Variants in SYT17 observed in about 807,000 individuals in gnomAD.
SYT17 encodes the protein synaptotagmin 17.
A neutral mutation model predicts 46.7 loss-of-function variants in SYT17; 22 were observed. The observed-to-expected ratio is 0.47, with a 90% CI of 0.34 to 0.67. SYT17 has a LOEUF of 0.67. SYT17 is among the 30% of genes least tolerant of loss of function. The probability of loss-of-function intolerance (pLI) is 0.01; values close to 1 mark genes in which losing one functional copy is unlikely to be tolerated. For synonymous variants in SYT17, 251 were observed against 248.4 expected (o/e 1.01, Z -0.10); for missense variants, 519 against 612.8 (o/e 0.85, Z 1.62).
chr16:19,193,510 A>G (rs930819045), intron 5 of SYT17, among the ~76,000 whole-genome samples: 2 of 152,190 alleles, frequency 1.3e-5, no homozygotes, highest in African/African-American at 4.8e-5. Context: ...TAGAATTCAG[A>G]GCATTGTGGC....
intron 7 of SYT17, among the ~76,000 whole-genome samples, chr16:19,256,454 A>G (rs1193946392): frequency 5.3e-5 from 8 of 150,348 alleles, no homozygotes; most frequent in African/African-American, 1.5e-4. Flanking sequence ...ACACACACAC[A>G]CACACACACA....
intron 7 of SYT17, among the ~76,000 whole-genome samples, chr16:19,255,810 G>A (rs1429660546): frequency 3.3e-5 from 5 of 152,182 alleles, no homozygotes; most frequent in African/African-American, 1.2e-4. Context: ...AGCCAATATT[G>A]CCTGCAGACC....
rs76841059 is a variant in SYT17 at position 19,191,630 on chromosome 16, A to G, written c.951+7483A>G. Among the ~76,000 whole-genome samples, 1,010 of 152,370 alleles carry G rather than the reference A, an allele frequency of 6.6e-3. 8 individuals carry two copies. The highest frequency in any genetic ancestry group is 0.023 in the African/African-American group (939 of 41,590). On this transcript the variant is annotated intron_variant, in intron 5 of 7. Coordinates refer to ENST00000355377, the MANE Select transcript of SYT17 (RefSeq NM_016524.4). ...ATGTCAGCCACTTATTTTGAAATGC[A>G]TTCAAAAAAGATAGAGTGATAGATG... is the stretch of plus-strand genomic sequence containing the variant.
chr16:19,247,510 G>A (rs1967669173), intron 7 of SYT17, among the ~76,000 whole-genome samples: 1 of 152,020 alleles, frequency 6.6e-6, no homozygotes, highest in African/African-American at 2.4e-5. Flanking sequence ...GGGATTACAG[G>A]CATGAGCCAC....
intron 7 of SYT17, among the ~76,000 whole-genome samples, chr16:19,255,087 G>C (rs951441996): frequency 1.3e-5 from 2 of 152,136 alleles, no homozygotes; most frequent in Admixed American, 1.3e-4. Flanking sequence ...CTCTAAATTT[G>C]TTTTCTGTGC....
chr16:19,193,168 G>T (rs1381504077), intron 5 of SYT17, among the ~76,000 whole-genome samples: 1 of 152,240 alleles, frequency 6.6e-6, no homozygotes, highest in Non-Finnish European at 1.5e-5. Flanking sequence ...GTGCCCAGCT[G>T]CTTCAGTGGC....
At position 19,172,830 on chromosome 16, in the gene SYT17, A is replaced by G. The variant is rs533142827; in HGVS notation, c.33+53A>G. 4 of 1,610,378 alleles carry G rather than the reference A, an allele frequency of 2.5e-6. No individual in the cohort carries two copies. The South Asian group carries it at 3.3e-5, about 13-fold the overall frequency. On this transcript the variant is annotated intron_variant, in intron 2 of 7. Coordinates refer to ENST00000355377, the MANE Select transcript of SYT17 (RefSeq NM_016524.4). ...CTGGTTTCTAATCAAGAAATGCCTG[A>G]CTTTCATTTTGGAGTCTTATGTGGG... is the stretch of plus-strand genomic sequence containing the variant.
intron 5 of SYT17, among the ~76,000 whole-genome samples, chr16:19,184,729 C>CT (rs1482505582): frequency 6.6e-6 from 1 of 152,010 alleles, no homozygotes; most frequent in African/African-American, 2.4e-5. Context: ...CTCTGGAAGC[C>CT]TTTTTTAAAT....
chr16:19,220,342 G>A (rs1966269462), intron 5 of SYT17, among the ~76,000 whole-genome samples: 1 of 121,136 alleles, frequency 8.3e-6, no homozygotes, highest in Non-Finnish European at 1.6e-5. Flanking sequence ...TCGCTCTGGT[G>A]CCTGGGCTGC....
At chr16:19,228,039 G>C (rs1299399325) in intron 7 of SYT17, among the ~76,000 whole-genome samples, 1 of 129,818 alleles carries the variant, frequency 7.7e-6, no homozygotes, top group Non-Finnish European at 1.6e-5. Flanking sequence ...AAAAGCTGAG[G>C]TTATTTATTC....
intron 3 of SYT17, among the ~76,000 whole-genome samples, chr16:19,174,472 C>T (rs949004136): frequency 5.9e-5 from 9 of 152,206 alleles, no homozygotes; most frequent in East Asian, 1.9e-4. Context: ...AAGGAGGCAG[C>T]GCTGTTTCAG....
intron 7 of SYT17, among the ~76,000 whole-genome samples, chr16:19,257,396 CA>C (rs5816041): frequency 1.1e-3 from 147 of 128,038 alleles, no homozygotes; most frequent in South Asian, 2.4e-3. Context: ...CCTTGTTTTG[CA>C]AAAAAAAAAA....
chr16:19,249,702 T>C (rs1266311954), intron 7 of SYT17, among the ~76,000 whole-genome samples: 1 of 152,192 alleles, frequency 6.6e-6, no homozygotes, highest in African/African-American at 2.4e-5. Flanking sequence ...CAGGATCCAG[T>C]GTGCTCATTG....
chr16:19,215,576 T>G (rs537498450), intron 5 of SYT17, among the ~76,000 whole-genome samples: 24 of 152,298 alleles, frequency 1.6e-4, no homozygotes, highest in African/African-American at 5.5e-4. Flanking sequence ...CACAGCTGGC[T>G]AATTTTTTAA....
intron 5 of SYT17, among the ~76,000 whole-genome samples, chr16:19,185,424 A>C (rs1056739385): frequency 1.3e-5 from 2 of 152,090 alleles, no homozygotes; most frequent in Non-Finnish European, 2.9e-5. Flanking sequence ...CCGTCTCTAC[A>C]AAAAACAATT....
At chr16:19,245,328 G>A (rs1967462118) in intron 7 of SYT17, among the ~76,000 whole-genome samples, 1 of 152,158 alleles carries the variant, frequency 6.6e-6, no homozygotes, top group Non-Finnish European at 1.5e-5. Flanking sequence ...ATATCCTACA[G>A]TGAACACATA....
intron 5 of SYT17, among the ~76,000 whole-genome samples, chr16:19,205,998 A>C (rs1489982204): frequency 1.3e-5 from 2 of 152,246 alleles, no homozygotes; most frequent in African/African-American, 4.8e-5. Flanking sequence ...ATGGAAGGGA[A>C]GGAAAAAAAG....
At chr16:19,192,206 G>C (rs571480789) in intron 5 of SYT17, among the ~76,000 whole-genome samples, 1 of 152,212 alleles carries the variant, frequency 6.6e-6, no homozygotes, top group Non-Finnish European at 1.5e-5. Flanking sequence ...GATCACTTGA[G>C]GCCAGGAGTT....
rs968721255 is a variant in SYT17, at chr16:19,267,842, C to T, written c.*766C>T. ...AGAGCATGGCGATGGGCCAGGACCT[C>T]AGCCCTGAGCACTGCCTTCTCTCTG... On this transcript the variant is annotated 3_prime_UTR_variant, in exon 8 of 8. Transcript: ENST00000355377. The T allele has an allele frequency of 6.6e-6, 1 of 152,278 alleles. No homozygotes were observed. Among genetic ancestry groups the T allele is most frequent in the South Asian group, 2.1e-4 (1 of 4,834 alleles). The allele number at this position is 152,278 out of a possible 1,614,324, so 9.4% of individuals were successfully genotyped here. A position where few individuals can be genotyped will look rare whatever the true frequency, so the allele number is the denominator to read the frequency against.
Sources: allele counts gnomAD v4.1 joint callset (sites outside exome capture counted in the v4.1 genomes callset), GRCh38; gene constraint gnomAD v4.1.1; transcripts MANE v1.5; gene names NCBI Gene and HGNC (gene_info 2026-07-23, HGNC 2026-07-21).